Variants in CDH18 observed in about 807,000 individuals in gnomAD.
The protein encoded by CDH18 is cadherin-18.
Under a neutral mutation model 67.9 loss-of-function variants are expected in CDH18, and 31 were observed. The observed-to-expected ratio is 0.46, with a 90% CI of 0.34 to 0.62. The LOEUF is 0.62. Ranked by LOEUF, CDH18 falls within the 20% of genes least tolerant of loss-of-function variation. CDH18 has a pLI of 0.01. For missense variants in CDH18, 890 were observed against 975.5 expected, an observed-to-expected ratio of 0.91 and a Z score of 1.17; for synonymous variants, 362 against 347.2, an observed-to-expected ratio of 1.04 and a Z score of -0.48.
intron 2 of CDH18, among the ~76,000 whole-genome samples, chr5:20,190,419 T>C (rs1309470203): frequency 6.6e-6 from 1 of 152,092 alleles, no homozygotes; most frequent in East Asian, 1.9e-4. Context: ...ATATAAAGTA[T>C]TTTCTAATCC....
chr5:19,855,636 C>CAGCT (rs1391008858), intron 2 of CDH18, among the ~76,000 whole-genome samples: 1 of 152,110 alleles, frequency 6.6e-6, no homozygotes, highest in Non-Finnish European at 1.5e-5. Flanking sequence ...GAAAATGGAG[C>CAGCT]AGCTGGTGCT....
intron 1 of CDH18, among the ~76,000 whole-genome samples, chr5:20,454,754 T>G (rs1750715422): frequency 6.6e-6 from 1 of 152,098 alleles, no homozygotes. Flanking sequence ...TCCTTCTGTG[T>G]GCACACATGG....
chr5:19,896,851 A>G (rs1363913524), intron 2 of CDH18, among the ~76,000 whole-genome samples: 1 of 152,190 alleles, frequency 6.6e-6, no homozygotes, highest in African/African-American at 2.4e-5. Flanking sequence ...ACAAGATAGA[A>G]GTTAGGAAAT....
chr5:20,512,900 A>AG (rs1491061085), intron 1 of CDH18, among the ~76,000 whole-genome samples: 1 of 139,718 alleles, frequency 7.2e-6, no homozygotes, highest in African/African-American at 2.6e-5. Context: ...AAAAAAAAAA[A>AG]ATCGACTCAG....
chr5:19,518,567 A>T (rs767503186), intron 10 of CDH18, among the ~76,000 whole-genome samples: 27 of 152,230 alleles, frequency 1.8e-4, no homozygotes, highest in Admixed American at 9.2e-4. Context: ...ATGGAAGAGC[A>T]GACTTGCTGA....
At chr5:19,667,041 A>C (rs1758052446) in intron 5 of CDH18, among the ~76,000 whole-genome samples, 1 of 152,036 alleles carries the variant, frequency 6.6e-6, no homozygotes, top group African/African-American at 2.4e-5. Flanking sequence ...AATCTCAATA[A>C]AGTTTTTAAT....
intron 1 of CDH18, among the ~76,000 whole-genome samples, chr5:20,445,345 A>G (rs1185396504): frequency 6.6e-6 from 1 of 152,204 alleles, no homozygotes; most frequent in Non-Finnish European, 1.5e-5. Context: ...CCTGGAGTGC[A>G]ACTGTGTGTG....
At chr5:19,563,233 G>A (rs1019243318) in intron 8 of CDH18, among the ~76,000 whole-genome samples, 1 of 152,106 alleles carries the variant, frequency 6.6e-6, no homozygotes, top group African/African-American at 2.4e-5. Context: ...CAAAAAGAAA[G>A]TTTTCAGAGT....
chr5:20,183,914 A>C (rs1737891254), intron 2 of CDH18, among the ~76,000 whole-genome samples: 1 of 152,100 alleles, frequency 6.6e-6, no homozygotes, highest in African/African-American at 2.4e-5. Flanking sequence ...AATCTTCCTC[A>C]AAATTTATAA....
At chr5:19,564,637 T>G (rs1018934362) in intron 8 of CDH18, among the ~76,000 whole-genome samples, 3 of 151,976 alleles carry the variant, frequency 2.0e-5, no homozygotes, top group Admixed American at 6.6e-5. Flanking sequence ...TTAACAGATA[T>G]GGTGGCTATG....
At chr5:20,065,604 C>T (rs1301643058) in intron 2 of CDH18, among the ~76,000 whole-genome samples, 1 of 151,956 alleles carries the variant, frequency 6.6e-6, no homozygotes, top group Non-Finnish European at 1.5e-5. Context: ...CTTACTCTAA[C>T]TTACTGTAAA....
At chr5:20,223,662 G>A (rs1741397540) in intron 2 of CDH18, among the ~76,000 whole-genome samples, 2 of 152,058 alleles carry the variant, frequency 1.3e-5, no homozygotes, top group Non-Finnish European at 2.9e-5. Context: ...TCTAGTGGGA[G>A]GTAATTGATT....
At chr5:19,843,869 T>C (rs1441145529) in intron 2 of CDH18, among the ~76,000 whole-genome samples, 1 of 152,246 alleles carries the variant, frequency 6.6e-6, no homozygotes, top group Non-Finnish European at 1.5e-5. Flanking sequence ...ACTGTCCCGC[T>C]AGATTTTGGA....
At chr5:20,286,183 A>C (rs1746682477) in intron 1 of CDH18, among the ~76,000 whole-genome samples, 1 of 151,662 alleles carries the variant, frequency 6.6e-6, no homozygotes, top group South Asian at 2.1e-4. Flanking sequence ...ATTTCAATGG[A>C]TTTTTAATAT....
intron 2 of CDH18, among the ~76,000 whole-genome samples, chr5:20,047,439 A>G (rs938287000): frequency 2.0e-5 from 3 of 151,936 alleles, no homozygotes; most frequent in Admixed American, 1.3e-4. Context: ...ACACTATAGT[A>G]GAAATGCTTA....
chr5:20,191,574 C>G (rs116208099), intron 2 of CDH18, among the ~76,000 whole-genome samples: 5,215 of 152,042 alleles, frequency 0.034, 306 homozygotes, highest in African/African-American at 0.12. Flanking sequence ...CATGTGTTCT[C>G]AACGTTCAAC....
chr5:19,725,453 G>C (rs1301885482), intron 4 of CDH18, among the ~76,000 whole-genome samples: 1 of 152,050 alleles, frequency 6.6e-6, no homozygotes, highest in Non-Finnish European at 1.5e-5. Context: ...GGTTAAAAAT[G>C]ATATAAAATT....
At position 19,676,392 on chromosome 5, in the gene CDH18, A is replaced by G. The variant is rs539685865; in HGVS notation, c.643+44955T>C. On this transcript the variant is annotated intron_variant, in intron 5 of 12. Transcript: ENST00000382275. ...ATGACTGTTCCTATTATGGGTAGTT[A>G]GACAGGCAGGAGCAGGGCAGGAGAG... Among the ~76,000 whole-genome samples, 59 of 152,186 alleles carry G rather than the reference A, an allele frequency of 3.9e-4. 1 individual carries two copies. Among genetic ancestry groups the G allele is most frequent in the Non-Finnish European group, 6.8e-4 (46 of 67,992 alleles).
At chr5:20,339,104 C>T (rs1474221977) in intron 1 of CDH18, among the ~76,000 whole-genome samples, 1 of 152,102 alleles carries the variant, frequency 6.6e-6, no homozygotes, top group African/African-American at 2.4e-5. Flanking sequence ...TGCCTTTTCT[C>T]CCCTCTCTTT....
Sources: gnomAD v4.1 joint callset for allele counts (sites outside exome capture counted in the v4.1 genomes callset) on GRCh38, gnomAD v4.1.1 for gene constraint, MANE v1.5 for transcripts, NCBI Gene and HGNC (gene_info 2026-07-23, HGNC 2026-07-21) for gene names.